Variants in CHD9NB observed in about 807,000 individuals in gnomAD.
The protein encoded by CHD9NB is CHD9 neighbor protein.
the CHD9NB span, among the ~76,000 whole-genome samples, chr16:53,036,358 G>A: frequency 1.3e-5 from 2 of 152,268 alleles, no homozygotes; most frequent in South Asian, 4.1e-4. Context: ...GAAGCCATTG[G>A]TCACCGTCTC....
the CHD9NB span, among the ~76,000 whole-genome samples, chr16:53,052,464 C>A: frequency 1.3e-5 from 2 of 152,198 alleles, no homozygotes; most frequent in African/African-American, 4.8e-5. Context: ...CCTACCAAAA[C>A]TCCTGTTTTC....
chr16:53,044,151 C>T, the CHD9NB span: 1 of 398,726 alleles, frequency 2.5e-6, no homozygotes, highest in Admixed American at 4.4e-5. Context: ...GCTGGAGTGG[C>T]ACCCCATCTC....
chr16:53,045,856 T>G, the CHD9NB span, among the ~76,000 whole-genome samples: 38 of 152,234 alleles, frequency 2.5e-4, no homozygotes, highest in East Asian at 7.4e-3. Context: ...CAGCTCAGAA[T>G]GCAAGCACAG....
the CHD9NB span, among the ~76,000 whole-genome samples, chr16:53,038,384 G>A: frequency 8.5e-4 from 129 of 152,268 alleles, 3 homozygotes; most frequent in South Asian, 0.011. Context: ...GCCTCACTCT[G>A]TCACCTAGGC....
the CHD9NB span, among the ~76,000 whole-genome samples, chr16:53,049,323 TG>T: frequency 5.7e-5 from 1 of 17,568 alleles, no homozygotes; most frequent in African/African-American, 3.2e-4. Flanking sequence ...CCCCAGCTGT[TG>T]TGTGTGTGTG....
At chr16:53,042,000 T>C in the CHD9NB span, among the ~76,000 whole-genome samples, 1 of 152,204 alleles carries the variant, frequency 6.6e-6, no homozygotes, top group Admixed American at 6.5e-5. Context: ...AGGGAAGCTC[T>C]GTAGTCAATT....
the CHD9NB span, among the ~76,000 whole-genome samples, chr16:53,052,600 T>C: frequency 2.6e-5 from 4 of 152,222 alleles, no homozygotes; most frequent in African/African-American, 9.6e-5. Flanking sequence ...CATCAGGTGA[T>C]GCCAGAATCC....
chr16:53,045,767 TA>T, the CHD9NB span, among the ~76,000 whole-genome samples: 69 of 152,296 alleles, frequency 4.5e-4, no homozygotes, highest in South Asian at 2.7e-3. Context: ...GAAGTATTAT[TA>T]ATCCCACTTT....
At chr16:53,046,577 T>A in the CHD9NB span, among the ~76,000 whole-genome samples, 16 of 151,618 alleles carry the variant, frequency 1.1e-4, no homozygotes, top group African/African-American at 3.9e-4. Context: ...CCCAGCTACT[T>A]GGGAGGCTGA....
At chr16:53,046,456 C>T in the CHD9NB span, among the ~76,000 whole-genome samples, 263 of 151,510 alleles carry the variant, frequency 1.7e-3, 3 homozygotes, top group African/African-American at 5.2e-3. Flanking sequence ...GCGGGTGGAT[C>T]ACTTGAACCC....
At chr16:53,043,150 A>G in the CHD9NB span, 1 of 152,268 alleles carries the variant, frequency 6.6e-6, no homozygotes, top group Non-Finnish European at 1.5e-5. Context: ...GAGTGGATTT[A>G]AAAACAAAAC....
the CHD9NB span, chr16:53,044,006 C>T: frequency 7.5e-6 from 3 of 398,690 alleles, no homozygotes; most frequent in South Asian, 2.5e-4. Context: ...CATTTCAGCT[C>T]TTTGGCTCAG....
chr16:53,044,054 T>C, the CHD9NB span: 62 of 398,820 alleles, frequency 1.6e-4, no homozygotes, highest in African/African-American at 1.1e-3. Flanking sequence ...TGCAGTCTGC[T>C]GCCTGGGTGC....
chr16:53,038,593 C>T, the CHD9NB span, among the ~76,000 whole-genome samples: 1,256 of 152,256 alleles, frequency 8.2e-3, 27 homozygotes, highest in African/African-American at 0.029. Flanking sequence ...TCAAGTGATC[C>T]GCCCACCTCG....
chr16:53,038,292 G>A, the CHD9NB span, among the ~76,000 whole-genome samples: 1 of 152,108 alleles, frequency 6.6e-6, no homozygotes, highest in Non-Finnish European at 1.5e-5. Flanking sequence ...CAGAAATAAT[G>A]TTTTACCAGC....
At chr16:53,039,536 G>C in the CHD9NB span, among the ~76,000 whole-genome samples, 9 of 152,300 alleles carry the variant, frequency 5.9e-5, no homozygotes, top group Non-Finnish European at 1.3e-4. Context: ...CCTGAAGTCA[G>C]GGATTCAAGA....
At chr16:53,041,710 A>G in the CHD9NB span, among the ~76,000 whole-genome samples, 8 of 152,172 alleles carry the variant, frequency 5.3e-5, no homozygotes, top group Admixed American at 1.3e-4. Context: ...AGCAGCTCTC[A>G]CCATGCACAG....
the CHD9NB span, chr16:53,042,657 A>C: frequency 6.6e-6 from 1 of 152,022 alleles, no homozygotes; most frequent in Non-Finnish European, 1.5e-5. Context: ...CAGTGGGGCA[A>C]CTCCAAGCTG....
chr16:53,051,768 AATATATATATATAT>A, the CHD9NB span, among the ~76,000 whole-genome samples: 5,304 of 104,492 alleles, frequency 0.051, 207 homozygotes, highest in South Asian at 0.13. Flanking sequence ...TAAAAGTATA[AATATATATATATAT>A]ATATATATAT....
Sources: allele counts gnomAD v4.1 joint callset (sites outside exome capture counted in the v4.1 genomes callset), GRCh38; gene constraint gnomAD v4.1.1; transcripts MANE v1.5; gene names NCBI Gene and HGNC (gene_info 2026-07-23, HGNC 2026-07-21).